Variants in FANCI observed in about 807,000 individuals in gnomAD.
The protein encoded by FANCI is FA complementation group I, also known as Fanconi anemia group I protein.
FANCI carries 156 observed loss-of-function variants against 176.1 expected under a neutral mutation model. That is an observed-to-expected ratio of 0.89 (90% CI 0.78 to 1.01). The LOEUF is 1.01. FANCI is among the 50% of genes least tolerant of loss of function. The pLI is 0.00. For missense variants in FANCI, 1,678 were observed against 1,534.1 expected (o/e 1.09, Z -1.57); for synonymous variants, 613 against 541.7 (o/e 1.13, Z -1.83).
intron 10 of FANCI, chr15:89,268,732 A>G (rs532267999): frequency 5.3e-6 from 3 of 568,240 alleles, no homozygotes; most frequent in East Asian, 3.4e-5. Context: ...CTTTAGCAGT[A>G]TACCACATCC....
At chr15:89,312,325 T>G (rs1420350324) in intron 34 of FANCI, among the ~76,000 whole-genome samples, 20 of 152,194 alleles carry the variant, frequency 1.3e-4, no homozygotes, top group Non-Finnish European at 5.9e-5. Flanking sequence ...GCTGACCCAC[T>G]GCAGTAATAG....
intron 14 of FANCI, 45 bp from the exon 15 acceptor site, chr15:89,281,125 A>T: frequency 6.3e-7 from 1 of 1,598,150 alleles, no homozygotes; most frequent in East Asian, 2.2e-5. Flanking sequence ...TATTTCAGTT[A>T]TCTTTAGTTA....
In FANCI at chr15:89,314,661, T is replaced by C. The variant is rs753140085; in HGVS notation, c.3770T>C (p.Ile1257Thr). ...CCAATCCCTAACCTCATCTTTGCCA[T>C]AGAACAGTATGAAAAATTTCTCATC... ...TKPIPNLIFAIEQYEKFLIHL... is the reference protein window; with the variant it reads ...TKPIPNLIFATEQYEKFLIHL... The change falls in exon 36 of 38, where the codon ATA becomes ACA. Residue 1257 changes from isoleucine to threonine, a missense_variant. Physicochemically the swap from Ile to Thr is moderately conservative, Grantham distance 89. This residue lies in a region of FANCI where 1,204 missense variants were observed against 1,077.4 expected (regional missense o/e 1.12). Transcript: ENST00000310775. The C allele has an allele frequency of 1.2e-6, 2 of 1,614,172 alleles. No individual in the cohort carries two copies. The highest frequency in any genetic ancestry group is 2.2e-5 in the East Asian group (1 of 44,890).
intron 26 of FANCI, among the ~76,000 whole-genome samples, 174 bp downstream of exon 26, chr15:89,300,559 AC>A (rs2054489493): frequency 6.6e-6 from 1 of 152,156 alleles, no homozygotes; most frequent in Non-Finnish European, 1.5e-5. Context: ...ATTTAAAAGG[AC>A]CCTAGTGAGG....
rs935080245 is a variant in FANCI at position 89,317,086 on chromosome 15, T to C, written c.*627T>C. 2.4e-5 allele frequency: 14 copies of C among 591,394 alleles called. No individual in the cohort carries two copies. The highest frequency in any genetic ancestry group is 1.3e-4 in the African/African-American group (7 of 53,674). The allele number at this position is 591,394 out of a possible 1,614,324, so 36.6% of individuals were successfully genotyped here. A position where few individuals can be genotyped will look rare whatever the true frequency, so the allele number is the denominator to read the frequency against. On this transcript the variant is annotated 3_prime_UTR_variant, in exon 38 of 38. Coordinates refer to ENST00000310775, the MANE Select transcript of FANCI (RefSeq NM_001113378.2). ...GCACAGTTTGTTTTTCTGTCACCTA[T>C]AGAGTGCAAGAATGCACTCTATAGA...
At position 89,260,823 on chromosome 15, in the gene FANCI, A is replaced by T. The variant is rs1212543272; in HGVS notation, c.268A>T (p.Ile90Leu). Reference protein sequence around the residue: ...DLQKEIASEIIGLLMLEAHHF... With the variant: ...DLQKEIASEILGLLMLEAHHF... Reference sequence around the variant, plus strand: ...GCAGAAAGAAATAGCGTCTGAGATCATAGGATTACTGATGCTGGAGGTAAG... The same window carrying T: ...GCAGAAAGAAATAGCGTCTGAGATCTTAGGATTACTGATGCTGGAGGTAAG... The change falls in exon 4 of 38, where the codon ATA becomes TTA. Residue 90 changes from isoleucine (I) to leucine (L), a missense_variant. Coordinates refer to ENST00000310775, the MANE Select transcript of FANCI (RefSeq NM_001113378.2). The T allele has an allele frequency of 7.4e-6, 12 of 1,613,808 alleles. No homozygotes were observed. In the African/African-American group the frequency reaches 1.6e-4, roughly 22 times the overall value.
Position 89,285,217 on chromosome 15 carries a change from A to G in FANCI, c.1820A>G (p.Glu607Gly). The change falls in exon 18 of 38, where the codon GAG (glutamate) becomes GGG (glycine). Residue 607 changes from glutamate to glycine, a missense_variant and splice_region_variant. Physicochemically the swap from Glu to Gly is moderately conservative, Grantham distance 98. This residue lies in a region of FANCI where 1,204 missense variants were observed against 1,077.4 expected (regional missense o/e 1.12). Transcript: ENST00000310775. ...QQADVRLMLY[E>G]GFYDVLRRNS... ...GCTGATGTTCGACTCATGCTTTATG[A>G]GGTAAGTCCGTAGAATGGAAAGAAT... 1 of 1,614,064 alleles carries G rather than the reference A, an allele frequency of 6.2e-7. No individual in the cohort carries two copies. Among genetic ancestry groups the G allele is most frequent in the Non-Finnish European group, 8.5e-7 (1 of 1,179,956 alleles).
At chr15:89,306,964 A>G (rs960618625) in intron 32 of FANCI, among the ~76,000 whole-genome samples, 1 of 152,146 alleles carries the variant, frequency 6.6e-6, no homozygotes, top group Non-Finnish European at 1.5e-5. Context: ...TAAGGTGGGG[A>G]AGAAAATTAT....
intron 26 of FANCI, among the ~76,000 whole-genome samples, chr15:89,300,884 CAA>C (rs1425248449): frequency 6.6e-6 from 1 of 152,200 alleles, no homozygotes; most frequent in Non-Finnish European, 1.5e-5. Flanking sequence ...ACAAAAGAGA[CAA>C]AATATTCCTA....
At chr15:89,303,789 G>C in intron 27 of FANCI, 75 bp from the exon 28 acceptor site, 1 of 1,330,130 alleles carries the variant, frequency 7.5e-7, no homozygotes, top group Non-Finnish European at 1.1e-6. Context: ...GAAAGGTCTA[G>C]AACTCTTCTG....
chr15:89,268,752 C>G (rs1244681499), intron 10 of FANCI: 1 of 487,556 alleles, frequency 2.1e-6, no homozygotes, highest in Non-Finnish European at 3.7e-6. Context: ...CTTAAGCAAG[C>G]CAGAAAGTTC....
intron 3 of FANCI, 167 bp downstream of exon 3, chr15:89,258,943 A>T: frequency 1.6e-6 from 1 of 615,508 alleles, no homozygotes; most frequent in Non-Finnish European, 2.9e-6. Flanking sequence ...GGACTTAAGT[A>T]ATTTTACTGA....
At chr15:89,269,196 CT>C (rs2053102293) in intron 10 of FANCI, among the ~76,000 whole-genome samples, 1 of 152,164 alleles carries the variant, frequency 6.6e-6, no homozygotes, top group Non-Finnish European at 1.5e-5. Context: ...CATACATATT[CT>C]TTTTCTGAAC....
chr15:89,274,139 T>G (rs1330592219), intron 11 of FANCI, 29 bp from the exon 12 acceptor site: 3 of 1,473,264 alleles, frequency 2.0e-6, no homozygotes, highest in Non-Finnish European at 2.8e-6. Context: ...TATTTATTTT[T>G]TCATTTATTT....
In FANCI at chr15:89,269,424, A is replaced by G. The variant is rs182337381; in HGVS notation, c.882+899A>G. On this transcript the variant is annotated intron_variant, in intron 10 of 37. Transcript: ENST00000310775. ...CTGTGTTTTTTTTTTCCTCTGCTCC[A>G]GGCTCTCATCAGGCTTCATGCATTG... 3.3e-5 allele frequency among the ~76,000 whole-genome samples: 5 copies of G among 151,460 alleles called. No homozygotes were observed. In the East Asian group the frequency reaches 5.8e-4, roughly 18 times the overall value.
intron 2 of FANCI, among the ~76,000 whole-genome samples, chr15:89,256,975 C>G (rs1471896676): frequency 6.6e-6 from 1 of 152,132 alleles, no homozygotes; most frequent in Admixed American, 6.5e-5. Context: ...GGCGTGAGCT[C>G]GGCTCACTGC....
At position 89,299,940 on chromosome 15, in the gene FANCI, A is replaced by G. The variant is rs1386770100; in HGVS notation, c.2777A>G (p.Lys926Arg). Residue 926 changes from lysine to arginine, a missense_variant, in exon 25 of 38, where the codon AAG (lysine) becomes AGG (arginine). Physicochemically the swap from Lys to Arg is conservative, Grantham distance 26. Transcript: ENST00000310775. ...GCTGTGCAACAGTTCTATCAGCCCA[A>G]GATTCAGCAGTTTCTCAGAGCTCTG... ...FSAVQQFYQP[K>R]IQQFLRALDV... The G allele has an allele frequency of 6.2e-7, 1 of 1,613,970 alleles. No individual in the cohort carries two copies. Among genetic ancestry groups the G allele is most frequent in the Admixed American group, 1.7e-5 (1 of 59,994 alleles).
chr15:89,266,955 G>A (rs1225075939), intron 9 of FANCI, among the ~76,000 whole-genome samples: 1 of 152,070 alleles, frequency 6.6e-6, no homozygotes, highest in Non-Finnish European at 1.5e-5. Context: ...GGAGAGGGCT[G>A]AACTGGGGAT....
intron 34 of FANCI, among the ~76,000 whole-genome samples, chr15:89,310,399 G>C (rs886786136): frequency 1.3e-5 from 2 of 152,120 alleles, no homozygotes; most frequent in Non-Finnish European, 2.9e-5. Context: ...TTTGATTTTC[G>C]TGTTTCTGAC....
Sources: allele counts gnomAD v4.1 joint callset (sites outside exome capture counted in the v4.1 genomes callset), GRCh38; gene constraint gnomAD v4.1.1; regional missense constraint gnomAD v4.1.1; transcripts MANE v1.5; gene names NCBI Gene and HGNC (gene_info 2026-07-23, HGNC 2026-07-21).